Variants in RHBDD2 observed in about 807,000 individuals in gnomAD.
RHBDD2 encodes rhomboid domain containing 2.
RHBDD2 carries 13 observed loss-of-function variants against 21.7 expected under a neutral mutation model. The ratio of observed to expected loss-of-function variants is 0.60; its 90% confidence interval spans 0.39 to 0.95. The LOEUF is 0.95. Ranked by LOEUF, RHBDD2 falls within the 40% of genes least tolerant of loss-of-function variation. The pLI is 0.00. For synonymous variants in RHBDD2, 225 were observed against 220.0 expected (o/e 1.02, Z -0.20); for missense variants, 473 against 478.9 (o/e 0.99, Z 0.11).
chr7:75,886,676 C>T lies in RHBDD2; in HGVS notation c.738-1316C>T, dbSNP rs188804922. ...AAAAATACAAAAAATTGGCCATGTG[C>T]GGTGGTGGGCACCTGTAGTCCCAGC... On this transcript the variant is annotated intron_variant, in intron 3 of 3. Coordinates refer to ENST00000006777, the MANE Select transcript of RHBDD2 (RefSeq NM_001040456.3). Among the ~76,000 whole-genome samples the T allele has an allele frequency of 2.6e-5, 4 of 152,080 alleles. 1 individual carries two copies. Among genetic ancestry groups the T allele is most frequent in the East Asian group, 3.9e-4 (2 of 5,168 alleles).
chr7:75,882,615 G>A (rs782716395), intron 2 of RHBDD2, among the ~76,000 whole-genome samples: 22 of 152,056 alleles, frequency 1.4e-4, no homozygotes, highest in Non-Finnish European at 2.6e-4. Flanking sequence ...GTGAGCCACC[G>A]TGGCCGAGTC....
At position 75,888,274 on chromosome 7, in the gene RHBDD2, C is replaced by G; in HGVS notation, c.1020C>G (p.Gly340=). 2 of 1,613,576 alleles carry G rather than the reference C, an allele frequency of 1.2e-6. No individual in the cohort carries two copies. The highest frequency in any genetic ancestry group is 1.7e-6 in the Non-Finnish European group (2 of 1,180,034). ...CCCCCACGCCTGTGAACAGCCCTGG[C>G]ACGGTGTATTCTGGGGCCTTGGGCA... is the stretch of plus-strand genomic sequence containing the variant. ...IQPPTPVNSP[G]TVYSGALGTP... is the part of the protein sequence containing the mutation. Residue 340 remains glycine (G), a synonymous_variant, in exon 4 of 4, where the codon GGC becomes GGG. Coordinates refer to ENST00000006777, the MANE Select transcript of RHBDD2 (RefSeq NM_001040456.3).
chr7:75,880,310 A>G (rs1292251614), intron 1 of RHBDD2: 1 of 152,160 alleles, frequency 6.6e-6, no homozygotes, highest in African/African-American at 2.4e-5. Flanking sequence ...TGATGGCCAG[A>G]CTGAGGTATA....
intron 1 of RHBDD2, among the ~76,000 whole-genome samples, chr7:75,880,840 C>T (rs1161660751): frequency 1.3e-5 from 2 of 152,160 alleles, no homozygotes; most frequent in African/African-American, 4.8e-5. Context: ...AGCCTCCTGC[C>T]TCAGCCTCCC....
intron 3 of RHBDD2, among the ~76,000 whole-genome samples, chr7:75,885,927 C>T (rs1234859796): frequency 2.0e-5 from 3 of 152,062 alleles, no homozygotes; most frequent in South Asian, 2.1e-4. Flanking sequence ...AGTGCAGTGG[C>T]GTGATCTCAG....
chr7:75,881,793 C>A lies in RHBDD2; in HGVS notation c.179-36C>A, dbSNP rs564955340. ...AACCTGGCTTCCCTCCTGGGAGCAA[C>A]CCGCCGCCAGGCCTCTAACCCGACT... is the stretch of plus-strand genomic sequence containing the variant. On this transcript the variant is annotated intron_variant, in intron 1 of 3. Transcript: ENST00000006777. 1.9e-5 allele frequency: 30 copies of A among 1,553,850 alleles called. No individual in the cohort carries two copies. In the South Asian group the frequency reaches 3.3e-4, roughly 17 times the overall value.
intron 3 of RHBDD2, among the ~76,000 whole-genome samples, chr7:75,887,134 A>ATTTTTTTT (rs528254017): frequency 8.0e-6 from 1 of 124,290 alleles, no homozygotes; most frequent in Non-Finnish European, 1.7e-5. Context: ...TTGATAGATA[A>ATTTTTTTT]TTTTTTTTTT....
chr7:75,883,150 GT>G (rs1289094312), intron 2 of RHBDD2, among the ~76,000 whole-genome samples: 2 of 152,174 alleles, frequency 1.3e-5, no homozygotes, highest in Non-Finnish European at 2.9e-5. Context: ...GCACACATGG[GT>G]GTAGGAGAAG....
At chr7:75,886,801 G>C (rs894425179) in intron 3 of RHBDD2, among the ~76,000 whole-genome samples, 1 of 149,624 alleles carries the variant, frequency 6.7e-6, no homozygotes, top group Non-Finnish European at 1.5e-5. Context: ...GCAAAAGAGC[G>C]AGACTCCGTC....
Position 75,882,095 on chromosome 7 carries a change from C to T in RHBDD2, c.445C>T (p.Arg149Cys). Residue 149 changes from arginine (R) to cysteine (C), a missense_variant, in exon 2 of 4, where the codon CGT (arginine) becomes TGT (cysteine). Physicochemically the swap from Arg to Cys is radical, Grantham distance 180 (BLOSUM62 -3). Coordinates refer to ENST00000006777, the MANE Select transcript of RHBDD2 (RefSeq NM_001040456.3). The part of the protein sequence containing the change: ...AFAMLGVTTV[R>C]SRMRRALVFG... ...TGCCATGCTGGGAGTCACCACCGTCCGTTCTCGGATGAGGCGGGCCCTGGT... is the reference window on the plus strand; with the variant it reads ...TGCCATGCTGGGAGTCACCACCGTCTGTTCTCGGATGAGGCGGGCCCTGGT... The T allele has an allele frequency of 3.7e-6, 6 of 1,614,200 alleles. No homozygotes were observed. The highest frequency in any genetic ancestry group is 2.2e-5 in the South Asian group (2 of 91,080).
chr7:75,883,693 C>T lies in RHBDD2; in HGVS notation c.587-5C>T. ...CTCCAGTTTCACTTAACACGCCAAC[C>T]TCAGATGGCCTCACCTACTGCTATT... On this transcript the variant is annotated splice_polypyrimidine_tract_variant and splice_region_variant and intron_variant, in intron 2 of 3. Coordinates refer to ENST00000006777, the MANE Select transcript of RHBDD2 (RefSeq NM_001040456.3). The T allele has an allele frequency of 6.2e-7, 1 of 1,612,364 alleles. No individual in the cohort carries two copies. The highest frequency in any genetic ancestry group is 8.5e-7 in the Non-Finnish European group (1 of 1,179,226).
intron 3 of RHBDD2, among the ~76,000 whole-genome samples, chr7:75,885,899 C>G (rs1805635559): frequency 6.6e-6 from 1 of 152,122 alleles, no homozygotes; most frequent in Non-Finnish European, 1.5e-5. Flanking sequence ...TGGAGTCTCA[C>G]TCTGTGGCCC....
intron 1 of RHBDD2, chr7:75,880,208 C>T (rs1554542246): frequency 6.6e-6 from 1 of 152,046 alleles, no homozygotes; most frequent in African/African-American, 2.4e-5. Context: ...TGTACAGTTG[C>T]TTCTAGAATC....
chr7:75,882,323 T>A, intron 2 of RHBDD2, 87 bp downstream of exon 2: 1 of 1,264,154 alleles, frequency 7.9e-7, no homozygotes, highest in Non-Finnish European at 1.1e-6. Flanking sequence ...TAGATAAAAT[T>A]GGGCTTACTT....
chr7:75,886,882 G>A (rs1236897243), intron 3 of RHBDD2, among the ~76,000 whole-genome samples: 1 of 152,032 alleles, frequency 6.6e-6, no homozygotes, highest in Non-Finnish European at 1.5e-5. Flanking sequence ...CACACCCAGT[G>A]CCAGGTCTGA....
intron 1 of RHBDD2, chr7:75,881,439 C>G (rs1554542461): frequency 1.5e-6 from 2 of 1,296,896 alleles, no homozygotes; most frequent in South Asian, 2.5e-5. Context: ...CCCACTCAAT[C>G]CACCCCGAAG....
rs1343560574 is a variant in RHBDD2, at chr7:75,882,282, T to C, written c.586+46T>C. ...CTATAGAACAACGCATGTCAAAGGG[T>C]GAACCAGGCTGGAGGGTCTGGGGTG... is the stretch of plus-strand genomic sequence containing the variant. On this transcript the variant is annotated intron_variant, in intron 2 of 3. Coordinates refer to ENST00000006777, the MANE Select transcript of RHBDD2 (RefSeq NM_001040456.3). 3 of 1,518,180 alleles carry C rather than the reference T, an allele frequency of 2.0e-6. No homozygotes were observed. The African/African-American group carries it at 4.2e-5, about 21-fold the overall frequency. The allele number at this position is 1,518,180 out of a possible 1,614,324, so 94.0% of individuals were successfully genotyped here. A position where few individuals can be genotyped will look rare whatever the true frequency, so the allele number is the denominator to read the frequency against.
In RHBDD2 at chr7:75,888,016, C is replaced by T. The variant is rs1554544327; in HGVS notation, c.762C>T (p.Tyr254=). 6.2e-7 allele frequency: 1 copy of T among 1,613,224 alleles called. No homozygotes were observed. Among genetic ancestry groups the T allele is most frequent in the Non-Finnish European group, 8.5e-7 (1 of 1,179,832 alleles). Residue 254 remains tyrosine (Y), a synonymous_variant, in exon 4 of 4, where the codon TAC becomes TAT. Transcript: ENST00000006777. ...SRKLNPVPGS[Y]PTQSCHPHLS... is the part of the protein sequence containing the mutation. ...GACTGAACCCGGTGCCTGGCTCCTA[C>T]CCCACACAGAGCTGCCACCCTCACC...
chr7:75,883,959 A>G (rs530661344), intron 3 of RHBDD2, 111 bp downstream of exon 3: 12 of 802,598 alleles, frequency 1.5e-5, no homozygotes, highest in East Asian at 6.1e-5. Context: ...CAGTGGCACA[A>G]TCTCGGCTCA....
Sources: gnomAD v4.1 joint callset for allele counts (sites outside exome capture counted in the v4.1 genomes callset) on GRCh38, gnomAD v4.1.1 for gene constraint, MANE v1.5 for transcripts, NCBI Gene and HGNC (gene_info 2026-07-23, HGNC 2026-07-21) for gene names.